Variants in EFCAB11 observed in about 807,000 individuals in gnomAD.
EFCAB11 encodes EF-hand calcium binding domain 11, also known as EF-hand calcium-binding domain-containing protein 11.
A neutral mutation model predicts 23.0 loss-of-function variants in EFCAB11; 14 were observed. That is an observed-to-expected ratio of 0.61 (90% CI 0.40 to 0.95). EFCAB11 has a LOEUF of 0.95. Ranked by LOEUF, EFCAB11 falls within the 40% of genes least tolerant of loss-of-function variation. EFCAB11 has a pLI of 0.00. For synonymous variants in EFCAB11, 65 were observed against 66.6 expected (o/e 0.98, Z 0.11); for missense variants, 198 against 195.8 (o/e 1.01, Z -0.07).
At chr14:89,807,186 T>C (rs1322784755) in intron 5 of EFCAB11, among the ~76,000 whole-genome samples, 1 of 152,232 alleles carries the variant, frequency 6.6e-6, no homozygotes, top group Non-Finnish European at 1.5e-5. Flanking sequence ...CTATGCTCAA[T>C]AGATTTCTAG....
intron 5 of EFCAB11, among the ~76,000 whole-genome samples, chr14:89,820,301 G>A (rs557786743): frequency 6.6e-6 from 1 of 152,096 alleles, no homozygotes; most frequent in African/African-American, 2.4e-5. Flanking sequence ...CTCCAAAGGA[G>A]TTGGGAAGTC....
chr14:89,925,638 A>G (rs1421882157), intron 5 of EFCAB11, among the ~76,000 whole-genome samples: 1 of 137,016 alleles, frequency 7.3e-6, no homozygotes, highest in Non-Finnish European at 1.5e-5. Flanking sequence ...ATACAAAGTT[A>G]TGTTTCTTTC....
At chr14:89,801,047 A>AG in intron 5 of EFCAB11, among the ~76,000 whole-genome samples, 1 of 103,110 alleles carries the variant, frequency 9.7e-6, no homozygotes, top group African/African-American at 2.9e-5. Flanking sequence ...AAAAGAAAAA[A>AG]AAAAAAAAAA....
chr14:89,853,548 G>C (rs1887658813), intron 5 of EFCAB11, among the ~76,000 whole-genome samples: 1 of 152,136 alleles, frequency 6.6e-6, no homozygotes, highest in African/African-American at 2.4e-5. Flanking sequence ...CACACCACTA[G>C]GAAGTGGTGA....
chr14:89,877,847 G>T (rs1888487622), intron 5 of EFCAB11, among the ~76,000 whole-genome samples: 1 of 152,092 alleles, frequency 6.6e-6, no homozygotes, highest in Non-Finnish European at 1.5e-5. Context: ...ATTTTGAGAG[G>T]CACTGCACAC....
intron 5 of EFCAB11, among the ~76,000 whole-genome samples, chr14:89,823,956 G>A (rs905164018): frequency 2.0e-5 from 3 of 152,122 alleles, no homozygotes; most frequent in Admixed American, 1.3e-4. Flanking sequence ...GCAATATCAC[G>A]TGGTCTAACA....
chr14:89,908,045 C>T (rs1889552466), intron 5 of EFCAB11, among the ~76,000 whole-genome samples: 2 of 152,162 alleles, frequency 1.3e-5, no homozygotes, highest in Admixed American at 1.3e-4. Flanking sequence ...TGGAATAGCC[C>T]CCCAGCTGGG....
In EFCAB11 at chr14:89,950,081, T is replaced by C. The variant is rs1357483889; in HGVS notation, c.217+16A>G. ...CTAAATAAGGTACTAAAAATTAATA[T>C]TAACTTTCATATTACCAGAAGTATT... On this transcript the variant is annotated intron_variant, in intron 3 of 5. Transcript: ENST00000316738. 2 of 1,537,218 alleles carry C rather than the reference T, an allele frequency of 1.3e-6. No individual in the cohort carries two copies. Among genetic ancestry groups the C allele is most frequent in the African/African-American group, 2.7e-5 (2 of 72,858 alleles).
intron 5 of EFCAB11, among the ~76,000 whole-genome samples, chr14:89,922,965 C>A (rs945809258): frequency 6.6e-6 from 1 of 152,226 alleles, no homozygotes; most frequent in South Asian, 2.1e-4. Flanking sequence ...AATTTGTATC[C>A]GGATGGGTTT....
At chr14:89,905,675 A>C (rs995907084) in intron 5 of EFCAB11, among the ~76,000 whole-genome samples, 16 of 152,204 alleles carry the variant, frequency 1.1e-4, no homozygotes, top group African/African-American at 3.4e-4. Context: ...TCTGGAGAGA[A>C]GTAACAGGAA....
chr14:89,868,440 G>A (rs908376408), intron 5 of EFCAB11, among the ~76,000 whole-genome samples: 2 of 152,166 alleles, frequency 1.3e-5, no homozygotes, highest in Non-Finnish European at 2.9e-5. Context: ...TGTCAATTTT[G>A]TATGAAATTC....
At chr14:89,945,932 T>A (rs1267001640) in intron 3 of EFCAB11, among the ~76,000 whole-genome samples, 2 of 151,640 alleles carry the variant, frequency 1.3e-5, no homozygotes, top group African/African-American at 2.4e-5. Flanking sequence ...TTTATTTTTT[T>A]TTTTGAGACA....
intron 5 of EFCAB11, among the ~76,000 whole-genome samples, chr14:89,913,533 A>G (rs1435398486): frequency 3.9e-5 from 6 of 152,296 alleles, no homozygotes; most frequent in African/African-American, 1.4e-4. Context: ...ATGATTCCGT[A>G]ATCTCTAAAT....
chr14:89,943,083 C>A (rs1282078273), intron 3 of EFCAB11, among the ~76,000 whole-genome samples: 1 of 152,028 alleles, frequency 6.6e-6, no homozygotes, highest in Non-Finnish European at 1.5e-5. Context: ...CTGGGCCCTG[C>A]AAAAGAATCC....
chr14:89,823,925 A>G (rs1414108707), intron 5 of EFCAB11, among the ~76,000 whole-genome samples: 1 of 152,200 alleles, frequency 6.6e-6, no homozygotes, highest in Non-Finnish European at 1.5e-5. Flanking sequence ...AGGAATGAAA[A>G]GAGCATCAGT....
At chr14:89,808,227 C>T (rs1886035841) in intron 5 of EFCAB11, among the ~76,000 whole-genome samples, 1 of 152,122 alleles carries the variant, frequency 6.6e-6, no homozygotes, top group Non-Finnish European at 1.5e-5. Flanking sequence ...AGCCATTGCT[C>T]CATCTAATTA....
At chr14:89,844,646 A>G (rs1887375034) in intron 5 of EFCAB11, among the ~76,000 whole-genome samples, 1 of 151,852 alleles carries the variant, frequency 6.6e-6, no homozygotes, top group Non-Finnish European at 1.5e-5. Flanking sequence ...ACTTCCCCCA[A>G]CCTTCCTCAC....
chr14:89,954,095 C>A, intron 1 of EFCAB11, 94 bp from the exon 2 acceptor site: 1 of 1,101,128 alleles, frequency 9.1e-7, no homozygotes, highest in Non-Finnish European at 1.3e-6. Context: ...AAATCTAAAA[C>A]TTGGCCCAGC....
intron 5 of EFCAB11, among the ~76,000 whole-genome samples, chr14:89,876,910 T>A (rs1158418468): frequency 6.6e-6 from 1 of 150,970 alleles, no homozygotes; most frequent in African/African-American, 2.5e-5. Context: ...ACATCCTGCT[T>A]ACAAGGCAAG....
Sources: allele counts gnomAD v4.1 joint callset (sites outside exome capture counted in the v4.1 genomes callset), GRCh38; gene constraint gnomAD v4.1.1; transcripts MANE v1.5; gene names NCBI Gene and HGNC (gene_info 2026-07-23, HGNC 2026-07-21).